TRAF3IP1: variants seen among roughly 807,000 people sequenced by gnomAD.
TRAF3IP1 encodes TRAF3-interacting protein 1.
Under a neutral mutation model 89.9 loss-of-function variants are expected in TRAF3IP1, and 53 were observed. That is an observed-to-expected ratio of 0.59 (90% confidence interval 0.47 to 0.74). TRAF3IP1 has a LOEUF of 0.74. TRAF3IP1 is among the 30% of genes least tolerant of loss of function. The pLI is 0.00. For missense variants in TRAF3IP1, 806 were observed against 866.1 expected, an observed-to-expected ratio of 0.93 and a Z score of 0.87; for synonymous variants, 311 against 322.1, an observed-to-expected ratio of 0.97 and a Z score of 0.37.
chr2:238,381,081 A>G (rs927043907), intron 15 of TRAF3IP1, among the ~76,000 whole-genome samples: 10 of 150,576 alleles, frequency 6.6e-5, no homozygotes, highest in African/African-American at 1.7e-4. Context: ...TTTTCTTGCC[A>G]CAATGACGGG....
intron 1 of TRAF3IP1, among the ~76,000 whole-genome samples, chr2:238,323,160 C>G (rs1320512690): frequency 6.6e-6 from 1 of 151,696 alleles, no homozygotes; most frequent in East Asian, 1.9e-4. Flanking sequence ...CTCACTGCAA[C>G]TTACGCCTCC....
At chr2:238,368,739 C>T (rs1243551229) in intron 15 of TRAF3IP1, among the ~76,000 whole-genome samples, 4 of 152,046 alleles carry the variant, frequency 2.6e-5, no homozygotes, top group Non-Finnish European at 4.4e-5. Flanking sequence ...GGCGTGATCT[C>T]GGCTCACTGC....
chr2:238,325,611 A>G (rs572633452), intron 2 of TRAF3IP1, among the ~76,000 whole-genome samples, 198 bp from the exon 3 acceptor site: 19 of 152,256 alleles, frequency 1.2e-4, no homozygotes, highest in African/African-American at 3.9e-4. Context: ...GGTTAATGCT[A>G]GCCCATCAAC....
rs141038702 is a variant in TRAF3IP1 at position 238,335,766 on chromosome 2, TTTTATTTATTTATTTA to T, written c.1063+1767_1063+1782del. Among the ~76,000 whole-genome samples, 956 of 137,124 alleles carry T rather than the reference TTTTATTTATTTATTTA, an allele frequency of 7.0e-3. 5 individuals are homozygous for T. Among genetic ancestry groups the T allele is most frequent in the Non-Finnish European group, 7.9e-3 (510 of 64,884 alleles). 90.0% of individuals were successfully genotyped at this position (137,124 alleles called of 152,430 possible). A position where few individuals can be genotyped will look rare whatever the true frequency, so the allele number is the denominator to read the frequency against. ...TTGCTCGCTGGTTTATTTTATTTTA[TTTTATTTATTTATTTA>T]TTTATTTATTTATTTATTTATTTAT... is the stretch of plus-strand genomic sequence containing the variant. On this transcript the variant is annotated intron_variant, in intron 7 of 16. Transcript: ENST00000373327.
At position 238,332,833 on chromosome 2, in the gene TRAF3IP1, T is replaced by C. The variant is rs1698195338; in HGVS notation, c.925T>C (p.Ser309Pro). Reference protein sequence around the residue: ...HDKPEKKSASSGEMSKKLSDG... With the variant: ...HDKPEKKSASPGEMSKKLSDG... Reference sequence around the variant, plus strand: ...TTTTTTTTTTTAATAGTCAGCAAGCTCAGGGGAGATGTCTAAAAAGTTATC... The same window carrying C: ...TTTTTTTTTTTAATAGTCAGCAAGCCCAGGGGAGATGTCTAAAAAGTTATC... Residue 309 changes from serine to proline, a missense_variant, in exon 6 of 17, where the codon TCA (serine) becomes CCA (proline). Transcript: ENST00000373327. 1 of 1,610,854 alleles carries C rather than the reference T, an allele frequency of 6.2e-7. No individual in the cohort carries two copies. Among genetic ancestry groups the C allele is most frequent in the East Asian group, 2.2e-5 (1 of 44,858 alleles).
intron 15 of TRAF3IP1, among the ~76,000 whole-genome samples, chr2:238,382,072 C>T (rs1004336182): frequency 1.3e-5 from 2 of 152,084 alleles, no homozygotes; most frequent in Non-Finnish European, 2.9e-5. Flanking sequence ...TTGGGGCAAA[C>T]TTGAGAAGCC....
chr2:238,347,990 G>C (rs539514572), intron 10 of TRAF3IP1, among the ~76,000 whole-genome samples: 1 of 151,990 alleles, frequency 6.6e-6, no homozygotes, highest in African/African-American at 2.4e-5. Context: ...ATACATTTCA[G>C]GATTTTTTTC....
At chr2:238,356,354 G>A (rs111423430) in intron 15 of TRAF3IP1, among the ~76,000 whole-genome samples, 87 of 152,202 alleles carry the variant, frequency 5.7e-4, no homozygotes, top group African/African-American at 1.9e-3. Context: ...AAAATTACCC[G>A]GGTGTGGTGG....
At position 238,372,116 on chromosome 2, in the gene TRAF3IP1, T is replaced by G. The variant is rs541885110; in HGVS notation, c.1689+16036T>G. Among the ~76,000 whole-genome samples, 3 of 152,208 alleles carry G rather than the reference T, an allele frequency of 2.0e-5. No individual in the cohort carries two copies. In the South Asian group the frequency reaches 6.2e-4, roughly 32 times the overall value. ...ATTAAAGTAACATTCATTTAAAAGT[T>G]TTTTTCTCCACTTTCTTTTTCATTT... is the stretch of plus-strand genomic sequence containing the variant. On this transcript the variant is annotated intron_variant, in intron 15 of 16. Transcript: ENST00000373327.
At chr2:238,375,076 A>T (rs1700260712) in intron 15 of TRAF3IP1, among the ~76,000 whole-genome samples, 1 of 151,972 alleles carries the variant, frequency 6.6e-6, no homozygotes, top group South Asian at 2.1e-4. Context: ...TTTTCAAAAA[A>T]CCAGCTCCTG....
intron 4 of TRAF3IP1, 41 bp from the exon 5 acceptor site, chr2:238,328,884 TA>T: frequency 1.9e-6 from 3 of 1,588,542 alleles, no homozygotes; most frequent in Non-Finnish European, 2.6e-6. Flanking sequence ...TTTTGTAGTT[TA>T]GGTAAAAATA....
chr2:238,363,653 A>G (rs1699750678), intron 15 of TRAF3IP1, among the ~76,000 whole-genome samples: 1 of 152,164 alleles, frequency 6.6e-6, no homozygotes, highest in South Asian at 2.1e-4. Context: ...GATTTCACAG[A>G]GAGGCAAATG....
chr2:238,373,975 A>AT (rs1193078760), intron 15 of TRAF3IP1, among the ~76,000 whole-genome samples: 1 of 152,134 alleles, frequency 6.6e-6, no homozygotes, highest in East Asian at 1.9e-4. Flanking sequence ...TTGCACATTG[A>AT]TTTTGTATCC....
Position 238,349,313 on chromosome 2 carries a change from A to T in TRAF3IP1, c.1368-12A>T, listed in dbSNP as rs544634049. 13 of 1,613,726 alleles carry T rather than the reference A, an allele frequency of 8.1e-6. No homozygotes were observed. The highest frequency in any genetic ancestry group is 1.1e-5 in the Non-Finnish European group (13 of 1,179,878). On this transcript the variant is annotated splice_polypyrimidine_tract_variant and intron_variant, in intron 11 of 16. Coordinates refer to ENST00000373327, the MANE Select transcript of TRAF3IP1 (RefSeq NM_015650.4). ...CATACTCCTTTTTTGGTTTTCCAATATTTGGGTTTAGAAGAATTCCTCGGC... is the reference window on the plus strand; with the variant it reads ...CATACTCCTTTTTTGGTTTTCCAATTTTTGGGTTTAGAAGAATTCCTCGGC...
chr2:238,368,016 T>C (rs1699959174), intron 15 of TRAF3IP1, among the ~76,000 whole-genome samples: 2 of 101,686 alleles, frequency 2.0e-5, no homozygotes, highest in African/African-American at 5.7e-5. Flanking sequence ...TAAAAAGTGT[T>C]AGTTAGTATT....
intron 11 of TRAF3IP1, 145 bp downstream of exon 11, chr2:238,348,993 C>T (rs1468310225): frequency 5.6e-6 from 4 of 712,576 alleles, no homozygotes; most frequent in African/African-American, 3.5e-5. Flanking sequence ...AGAAGTATAT[C>T]AGTTTTCTGT....
intron 15 of TRAF3IP1, among the ~76,000 whole-genome samples, chr2:238,371,550 A>C (rs1700112117): frequency 6.6e-6 from 1 of 152,242 alleles, no homozygotes; most frequent in South Asian, 2.1e-4. Context: ...AGCTCAAAAA[A>C]AGATTGTTCT....
intron 15 of TRAF3IP1, among the ~76,000 whole-genome samples, chr2:238,395,200 TAAAG>T (rs1326876702): frequency 6.6e-6 from 1 of 151,930 alleles, no homozygotes; most frequent in Admixed American, 6.6e-5. Flanking sequence ...ACCCTGGCTG[TAAAG>T]AAAGAGAGAG....
At chr2:238,376,261 G>A (rs1457989794) in intron 15 of TRAF3IP1, among the ~76,000 whole-genome samples, 1 of 152,108 alleles carries the variant, frequency 6.6e-6, no homozygotes, top group Admixed American at 6.6e-5. Flanking sequence ...TCCTTTAACT[G>A]GGTTTTTCAA....
Sources: gnomAD v4.1 joint callset for allele counts (sites outside exome capture counted in the v4.1 genomes callset) on GRCh38, gnomAD v4.1.1 for gene constraint, MANE v1.5 for transcripts, NCBI Gene and HGNC (gene_info 2026-07-23, HGNC 2026-07-21) for gene names.